The following NKAIN3 variants were observed in gnomAD, a reference collection of about 807,000 sequenced individuals.
NKAIN3 encodes sodium/potassium-transporting ATPase subunit beta-1-interacting protein 3.
Under a neutral mutation model 30.2 loss-of-function variants are expected in NKAIN3, and 25 were observed. The observed-to-expected ratio is 0.83, with a 90% CI of 0.60 to 1.16. The LOEUF (loss-of-function observed/expected upper bound fraction) is 1.16. Ranked by LOEUF, NKAIN3 falls within the 50% of genes most tolerant of loss-of-function variation. The probability of loss-of-function intolerance (pLI) is 0.00; values close to 1 mark genes in which losing one functional copy is unlikely to be tolerated. For synonymous variants in NKAIN3, 91 were observed against 89.6 expected (o/e 1.02, Z -0.09); for missense variants, 225 against 254.1 (o/e 0.89, Z 0.78).
intron 3 of NKAIN3, among the ~76,000 whole-genome samples, chr8:62,592,882 T>C (rs550441992): frequency 1.1e-4 from 17 of 151,952 alleles, no homozygotes; most frequent in Admixed American, 7.2e-4. Context: ...GATAACAGGA[T>C]CAATGTATTA....
chr8:62,920,754 TA>T (rs1822253093), intron 5 of NKAIN3, among the ~76,000 whole-genome samples: 2 of 152,204 alleles, frequency 1.3e-5, no homozygotes, highest in African/African-American at 4.8e-5. Flanking sequence ...GACATCTGGA[TA>T]TAGTACTTGT....
At chr8:62,784,224 TAGA>T (rs1276076317) in intron 4 of NKAIN3, among the ~76,000 whole-genome samples, 1 of 151,836 alleles carries the variant, frequency 6.6e-6, no homozygotes, top group African/African-American at 2.4e-5. Flanking sequence ...TTCAAGTAAC[TAGA>T]AGAAGTGCAA....
At chr8:62,386,947 G>GAA (rs1419259820) in intron 1 of NKAIN3, among the ~76,000 whole-genome samples, 1 of 147,128 alleles carries the variant, frequency 6.8e-6, no homozygotes, top group Non-Finnish European at 1.5e-5. Context: ...GAGAGAAAGA[G>GAA]AGAGAGAGAG....
At chr8:62,319,427 G>T (rs567656401) in intron 1 of NKAIN3, among the ~76,000 whole-genome samples, 87 of 152,070 alleles carry the variant, frequency 5.7e-4, no homozygotes, top group Admixed American at 6.5e-5. Context: ...TGATGTTAGG[G>T]TCTCAATTTT....
chr8:62,954,200 C>T (rs1032240798), intron 6 of NKAIN3, among the ~76,000 whole-genome samples: 3 of 152,128 alleles, frequency 2.0e-5, no homozygotes, highest in Non-Finnish European at 4.4e-5. Flanking sequence ...ATAGTTCTGT[C>T]TTATTCCCCT....
chr8:62,574,382 T>G (rs1176715902), intron 1 of NKAIN3, among the ~76,000 whole-genome samples: 1 of 152,194 alleles, frequency 6.6e-6, no homozygotes, highest in Non-Finnish European at 1.5e-5. Flanking sequence ...TATACTGATT[T>G]CCTTTCTTTT....
At chr8:62,444,582 T>C (rs529984126) in intron 1 of NKAIN3, among the ~76,000 whole-genome samples, 6 of 152,316 alleles carry the variant, frequency 3.9e-5, no homozygotes, top group Admixed American at 6.5e-5. Flanking sequence ...AATATTCCAT[T>C]AGGTATATAT....
downstream of NKAIN3, among the ~76,000 whole-genome samples, chr8:62,986,297 TG>T (rs1824196847): frequency 6.6e-6 from 1 of 152,240 alleles, no homozygotes; most frequent in Admixed American, 6.5e-5. Flanking sequence ...TGAGGCCCTT[TG>T]TTTTGGGTTA....
intron 4 of NKAIN3, among the ~76,000 whole-genome samples, chr8:62,831,055 C>T (rs1014882786): frequency 2.0e-5 from 3 of 152,054 alleles, no homozygotes; most frequent in Non-Finnish European, 4.4e-5. Flanking sequence ...CTATCAGACC[C>T]ACCTGCAGTT....
intron 1 of NKAIN3, among the ~76,000 whole-genome samples, chr8:62,492,412 GTCT>G (rs1807099700): frequency 6.6e-6 from 1 of 152,078 alleles, no homozygotes; most frequent in Non-Finnish European, 1.5e-5. Flanking sequence ...GGTGCAGTGA[GTCT>G]TCTTTGGTCC....
chr8:62,862,760 G>A (rs182774989), intron 4 of NKAIN3, among the ~76,000 whole-genome samples: 183 of 152,192 alleles, frequency 1.2e-3, no homozygotes, highest in African/African-American at 4.3e-3. Context: ...TGAAGACTCA[G>A]GAAATAAAAC....
intron 1 of NKAIN3, among the ~76,000 whole-genome samples, chr8:62,421,769 A>G (rs570308299): frequency 6.6e-6 from 1 of 152,240 alleles, no homozygotes; most frequent in South Asian, 2.1e-4. Context: ...TTGATACAAT[A>G]TATTTTTGTA....
Position 62,303,757 on chromosome 8 carries a change from A to T in NKAIN3, c.54+54630A>T, listed in dbSNP as rs1044644083. Among the ~76,000 whole-genome samples, 53 of 150,756 alleles carry T rather than the reference A, an allele frequency of 3.5e-4. 4 individuals are homozygous for T. The highest frequency in any genetic ancestry group is 1.2e-3 in the African/African-American group (49 of 40,162). ...ATAATTTAAAAAAGTGCATATTGAA[A>T]ACATTGCCTGATGCATAAAAGAAAT... On this transcript the variant is annotated intron_variant, in intron 1 of 6. Coordinates refer to ENST00000623646, the MANE Select transcript of NKAIN3 (RefSeq NM_001304533.3).
At chr8:62,764,017 C>G (rs1312257331) in intron 4 of NKAIN3, among the ~76,000 whole-genome samples, 1 of 152,186 alleles carries the variant, frequency 6.6e-6, no homozygotes, top group Non-Finnish European at 1.5e-5. Context: ...GCTGGCATGT[C>G]TCTGGTTAGG....
At chr8:62,790,569 C>G (rs922455995) in intron 4 of NKAIN3, among the ~76,000 whole-genome samples, 85 of 81,526 alleles carry the variant, frequency 1.0e-3, no homozygotes, top group African/African-American at 2.9e-3. Flanking sequence ...GTGTGTGTGT[C>G]TGTCTGTCTG....
chr8:62,831,099 T>C (rs72653281), intron 4 of NKAIN3, among the ~76,000 whole-genome samples: 10,339 of 152,208 alleles, frequency 0.068, 482 homozygotes, highest in Middle Eastern at 0.12. Context: ...AGTTGGCCTG[T>C]AGTTTGAGTT....
At chr8:62,409,599 A>G (rs1804177326) in intron 1 of NKAIN3, among the ~76,000 whole-genome samples, 1 of 152,140 alleles carries the variant, frequency 6.6e-6, no homozygotes, top group Non-Finnish European at 1.5e-5. Context: ...AAGTTTTTCC[A>G]TTCCCCAAGA....
At chr8:62,835,713 G>A (rs1389553119) in intron 4 of NKAIN3, among the ~76,000 whole-genome samples, 1 of 152,046 alleles carries the variant, frequency 6.6e-6, no homozygotes, top group Admixed American at 6.6e-5. Context: ...AGGCTGTGAA[G>A]AAAAAGAAAC....
At chr8:62,854,622 G>A (rs10092338) in intron 4 of NKAIN3, among the ~76,000 whole-genome samples, 16,938 of 152,070 alleles carry the variant, frequency 0.11, 1,010 homozygotes, top group Middle Eastern at 0.15. Flanking sequence ...TGAAGACAGC[G>A]TACAGATGGA....
Sources: gnomAD v4.1 joint callset for allele counts (sites outside exome capture counted in the v4.1 genomes callset) on GRCh38, gnomAD v4.1.1 for gene constraint, MANE v1.5 for transcripts, NCBI Gene and HGNC (gene_info 2026-07-23, HGNC 2026-07-21) for gene names.